AMBRA1: variants seen among roughly 807,000 people sequenced by gnomAD.
AMBRA1 encodes autophagy and beclin 1 regulator 1, also known as activating molecule in BECN1-regulated autophagy protein 1.
A neutral mutation model predicts 125.4 loss-of-function variants in AMBRA1; 47 were observed. The observed-to-expected ratio is 0.37, with a 90% CI of 0.30 to 0.48. AMBRA1 has a LOEUF of 0.48. Among genes scored for constraint, AMBRA1 ranks in the 20% least tolerant of loss-of-function variants. The pLI is 0.99. For missense variants in AMBRA1, 1,331 were observed against 1,693.4 expected (o/e 0.79, Z 3.76); for synonymous variants, 626 against 655.5 (o/e 0.95, Z 0.69).
At chr11:46,590,113 C>T (rs1325648407) in intron 1 of AMBRA1, among the ~76,000 whole-genome samples, 1 of 151,844 alleles carries the variant, frequency 6.6e-6, no homozygotes, top group Non-Finnish European at 1.5e-5. Flanking sequence ...TGGCTCATGC[C>T]TGTAATCCCA....
At chr11:46,457,905 C>CA (rs398045181) in intron 11 of AMBRA1, among the ~76,000 whole-genome samples, 10,930 of 79,478 alleles carry the variant, frequency 0.14, 545 homozygotes, top group African/African-American at 0.22. Flanking sequence ...GACTCCGTTG[C>CA]AAAAAAAAAA....
intron 11 of AMBRA1, among the ~76,000 whole-genome samples, chr11:46,462,727 T>C (rs1167112156): frequency 2.0e-5 from 3 of 151,806 alleles, no homozygotes; most frequent in Admixed American, 1.3e-4. Flanking sequence ...ATCTCCCCAT[T>C]CAAGTACTTT....
chr11:46,546,634 A>C (rs1332061266), intron 4 of AMBRA1, among the ~76,000 whole-genome samples: 1 of 152,182 alleles, frequency 6.6e-6, no homozygotes, highest in Non-Finnish European at 1.5e-5. Flanking sequence ...AAAAAAAAAA[A>C]AAAGGAATGG....
chr11:46,411,115 G>GAAAAAAAAAAAAAAAAAAAAA (rs1311400190), intron 15 of AMBRA1, among the ~76,000 whole-genome samples: 4 of 115,612 alleles, frequency 3.5e-5, no homozygotes, highest in African/African-American at 6.4e-5. Flanking sequence ...AAAAAAAAAA[G>GAAAAAAAAAAAAAAAAAAAAA]AAAAAAAAAA....
chr11:46,458,286 AAC>A (rs1396490405), intron 11 of AMBRA1, among the ~76,000 whole-genome samples: 2 of 152,336 alleles, frequency 1.3e-5, no homozygotes, highest in East Asian at 1.9e-4. Flanking sequence ...ACGCACCTGG[AAC>A]ACAGCCATCC....
chr11:46,409,106 A>C (rs1946160782), intron 16 of AMBRA1, among the ~76,000 whole-genome samples: 1 of 152,198 alleles, frequency 6.6e-6, no homozygotes, highest in South Asian at 2.1e-4. Context: ...TTCTCTCTTT[A>C]GCTTTACCTT....
At chr11:46,531,847 G>A (rs533572298) in intron 7 of AMBRA1, among the ~76,000 whole-genome samples, 1 of 152,298 alleles carries the variant, frequency 6.6e-6, no homozygotes, top group East Asian at 1.9e-4. Context: ...GCTGGGAGAG[G>A]TGGCTCACGC....
chr11:46,548,144 A>G (rs2042883907), intron 2 of AMBRA1, 102 bp downstream of exon 2: 4 of 1,516,946 alleles, frequency 2.6e-6, no homozygotes, highest in South Asian at 2.4e-5. Flanking sequence ...ACTCTCCCAC[A>G]CAAGATAAAT....
intron 1 of AMBRA1, among the ~76,000 whole-genome samples, chr11:46,565,782 T>C (rs1166993072): frequency 1.3e-5 from 2 of 152,128 alleles, no homozygotes; most frequent in Non-Finnish European, 2.9e-5. Flanking sequence ...TTCAGATTTT[T>C]TTTTTCAGAA....
intron 1 of AMBRA1, among the ~76,000 whole-genome samples, chr11:46,553,779 C>T (rs1437065868): frequency 6.6e-6 from 1 of 151,786 alleles, no homozygotes; most frequent in African/African-American, 2.4e-5. Flanking sequence ...CAAAAAAACT[C>T]ACCAAGTTCC....
chr11:46,493,398 A>G (rs1268004618), intron 11 of AMBRA1, among the ~76,000 whole-genome samples: 1 of 152,196 alleles, frequency 6.6e-6, no homozygotes, highest in Admixed American at 6.5e-5. Flanking sequence ...AGGTCTAGGG[A>G]AAGTGGGAAT....
At position 46,543,412 on chromosome 11, in the gene AMBRA1, C is replaced by G; in HGVS notation, c.619-14G>C. The G allele has an allele frequency of 1.2e-6, 2 of 1,612,910 alleles. No homozygotes were observed. The highest frequency in any genetic ancestry group is 1.7e-6 in the Non-Finnish European group (2 of 1,179,578). The stretch of plus-strand genomic sequence containing the variant: ...TTCGTCATCACCCTGCAACGTGGAC[C>G]AGCATGGGGCAGGGGGTAGAGCAAG... On this transcript the variant is annotated splice_polypyrimidine_tract_variant and intron_variant, in intron 6 of 17. Coordinates refer to ENST00000683756, the MANE Select transcript of AMBRA1 (RefSeq NM_001387011.1).
At chr11:46,459,118 C>T (rs752297556) in intron 11 of AMBRA1, among the ~76,000 whole-genome samples, 1 of 152,120 alleles carries the variant, frequency 6.6e-6, no homozygotes, top group Non-Finnish European at 1.5e-5. Context: ...GCAGCCACTA[C>T]TAAGAATAAA....
At position 46,542,146 on chromosome 11, in the gene AMBRA1, C is replaced by T. The variant is rs770549333; in HGVS notation, c.1871G>A (p.Gly624Asp). 1 of 1,613,896 alleles carries T rather than the reference C, an allele frequency of 6.2e-7. No individual in the cohort carries two copies. The highest frequency in any genetic ancestry group is 8.5e-7 in the Non-Finnish European group (1 of 1,179,868). ...SQLPPLERTE[G>D]QTPSSSRLEL... is the part of the protein sequence containing the mutation. ...CAGCCTGCTGGAGCTGGGCGTTTGG[C>T]CCTCAGTCCGCTCGAGAGGTGGCAA... is the stretch of plus-strand genomic sequence containing the variant. The change falls in exon 7 of 18, where the codon GGC becomes GAC. Residue 624 changes from glycine to aspartate, a missense_variant. Gly to Asp is a moderately conservative substitution (Grantham distance 94). Coordinates refer to ENST00000683756, the MANE Select transcript of AMBRA1 (RefSeq NM_001387011.1). This position sits in a 1 kb window ranked among gnomAD's most constrained non-coding sequence, Gnocchi z 5.9.
At chr11:46,592,168 C>T (rs1461417685) in intron 1 of AMBRA1, among the ~76,000 whole-genome samples, 1 of 151,910 alleles carries the variant, frequency 6.6e-6, no homozygotes, top group Non-Finnish European at 1.5e-5. Flanking sequence ...TTTCCGACCT[C>T]AGGTGATCCA....
At chr11:46,422,003 C>T (rs1003528494) in intron 14 of AMBRA1, among the ~76,000 whole-genome samples, 20 of 152,160 alleles carry the variant, frequency 1.3e-4, no homozygotes, top group African/African-American at 4.6e-4. Flanking sequence ...CCTGAAGCTC[C>T]CCATGGGATG....
chr11:46,473,852 G>GT (rs1472208016), intron 11 of AMBRA1, among the ~76,000 whole-genome samples: 1 of 152,156 alleles, frequency 6.6e-6, no homozygotes, highest in Non-Finnish European at 1.5e-5. Flanking sequence ...GTGTTTCACC[G>GT]TGTTAGCCAC....
At chr11:46,544,587 A>G (rs1320397537) in intron 5 of AMBRA1, among the ~76,000 whole-genome samples, 4 of 152,250 alleles carry the variant, frequency 2.6e-5, no homozygotes, top group Admixed American at 6.5e-5. Context: ...AATGTCAATT[A>G]TGTGCTTACA....
intron 11 of AMBRA1, among the ~76,000 whole-genome samples, chr11:46,464,338 A>G (rs909806840): frequency 3.3e-5 from 5 of 152,228 alleles, no homozygotes; most frequent in African/African-American, 1.2e-4. Flanking sequence ...AAGTCAAAAC[A>G]AAGTAGAAAG....
Sources: gnomAD v4.1 joint callset for allele counts (sites outside exome capture counted in the v4.1 genomes callset) on GRCh38, gnomAD v4.1.1 for gene constraint, Gnocchi (gnomAD v3.1) non-coding constraint, MANE v1.5 for transcripts, NCBI Gene and HGNC (gene_info 2026-07-23, HGNC 2026-07-21) for gene names.